The following DNAH11 variants were observed in gnomAD, a reference collection of about 807,000 sequenced individuals.
DNAH11 encodes dynein axonemal heavy chain 11, also known as axonemal beta dynein heavy chain 11.
A neutral mutation model predicts 526.0 loss-of-function variants in DNAH11; 442 were observed. The ratio of observed to expected loss-of-function variants is 0.84; its 90% confidence interval spans 0.78 to 0.91. The LOEUF (loss-of-function observed/expected upper bound fraction) is 0.91. DNAH11 is among the 40% of genes least tolerant of loss of function. DNAH11 has a pLI of 0.00. For missense variants in DNAH11, 6,989 were observed against 5,448.7 expected (o/e 1.28, Z -8.90); for synonymous variants, 2,461 against 1,935.9 (o/e 1.27, Z -7.12).
intron 68 of DNAH11, among the ~76,000 whole-genome samples, chr7:21,857,006 A>T (rs1252348083): frequency 6.6e-6 from 1 of 152,222 alleles, no homozygotes; most frequent in East Asian, 1.9e-4. Flanking sequence ...AGAAGGCAAG[A>T]GATTTAAAAG....
At chr7:21,877,475 C>T (rs565499205) in intron 74 of DNAH11, among the ~76,000 whole-genome samples, 1 of 152,156 alleles carries the variant, frequency 6.6e-6, no homozygotes, top group Non-Finnish European at 1.5e-5. Flanking sequence ...AATACTAGTG[C>T]TTTATTATCC....
intron 44 of DNAH11, among the ~76,000 whole-genome samples, chr7:21,721,742 G>T (rs540791537): frequency 2.6e-5 from 4 of 152,226 alleles, no homozygotes; most frequent in African/African-American, 9.6e-5. Context: ...GTGGGGTAGG[G>T]CTTCAAAATA....
chr7:21,883,345 G>A (rs1784003196), intron 75 of DNAH11, among the ~76,000 whole-genome samples: 2 of 152,202 alleles, frequency 1.3e-5, no homozygotes, highest in Admixed American at 6.5e-5. Context: ...AGAAGCTAAA[G>A]TATAGCAAAG....
intron 54 of DNAH11, 100 bp downstream of exon 54, chr7:21,750,464 T>C (rs182268937): frequency 3.4e-6 from 5 of 1,470,322 alleles, no homozygotes; most frequent in Non-Finnish European, 4.6e-6. Flanking sequence ...ATTTCAGTCA[T>C]GCATTTTGAA....
chr7:21,835,187 AAAG>A (rs1273031111), intron 65 of DNAH11, among the ~76,000 whole-genome samples: 3 of 151,504 alleles, frequency 2.0e-5, no homozygotes, highest in Non-Finnish European at 4.4e-5. Context: ...TCAAACATTT[AAAG>A]AAGAACTAAT....
rs1245221749 is a variant in DNAH11, at chr7:21,565,814, G to T, written c.1194+1417G>T. Reference sequence around the variant, plus strand: ...GCTCAGTAAATGTTAGTTGCCTTCTGTTCTTTTGCCCAAACTATTGACTTA... The same window carrying T: ...GCTCAGTAAATGTTAGTTGCCTTCTTTTCTTTTGCCCAAACTATTGACTTA... On this transcript the variant is annotated intron_variant, in intron 6 of 81. Coordinates refer to ENST00000409508, the MANE Select transcript of DNAH11 (RefSeq NM_001277115.2). Among the ~76,000 whole-genome samples, 3 of 152,184 alleles carry T rather than the reference G, an allele frequency of 2.0e-5. No homozygotes were observed. The East Asian group carries it at 5.8e-4, about 29-fold the overall frequency.
intron 32 of DNAH11, among the ~76,000 whole-genome samples, chr7:21,685,900 G>A (rs1405896712): frequency 6.6e-6 from 1 of 152,184 alleles, no homozygotes; most frequent in Admixed American, 6.5e-5. Context: ...ACCATTGGTT[G>A]GAGTTTGGTC....
rs17150386 is a variant in DNAH11 at position 21,864,739 on chromosome 7, A to G, written c.11496+82A>G. The G allele has an allele frequency of 0.015, 20,237 of 1,355,566 alleles. 2,311 individuals are homozygous for G. In the African/African-American group the frequency reaches 0.25, roughly 17 times the overall value. The allele number at this position is 1,355,566 out of a possible 1,614,324, so 84.0% of individuals were successfully genotyped here. On this transcript the variant is annotated intron_variant, in intron 70 of 81. Coordinates refer to ENST00000409508, the MANE Select transcript of DNAH11 (RefSeq NM_001277115.2). ...TCCAGTGTTGAAATGTAAACATTAA[A>G]GAATACAGGTGATGTATTAAGCACC...
intron 79 of DNAH11, among the ~76,000 whole-genome samples, chr7:21,898,968 G>A (rs781759043): frequency 5.3e-5 from 8 of 152,164 alleles, no homozygotes; most frequent in Non-Finnish European, 8.8e-5. Context: ...CTGGTCCTCA[G>A]ACACCCTGTC....
At chr7:21,674,913 C>G (rs1350034856) in intron 30 of DNAH11, among the ~76,000 whole-genome samples, 1 of 152,156 alleles carries the variant, frequency 6.6e-6, no homozygotes, top group Non-Finnish European at 1.5e-5. Context: ...ACTAGAAGCC[C>G]GCTTGACTCT....
At chr7:21,570,972 G>A (rs570616934) in intron 7 of DNAH11, among the ~76,000 whole-genome samples, 14 of 151,968 alleles carry the variant, frequency 9.2e-5, no homozygotes, top group Admixed American at 5.9e-4. Flanking sequence ...ATTGATAAAG[G>A]TTTGTTTTAT....
At chr7:21,850,367 AAAG>A (rs1000770067) in intron 66 of DNAH11, among the ~76,000 whole-genome samples, 8 of 149,622 alleles carry the variant, frequency 5.3e-5, no homozygotes, top group Non-Finnish European at 1.0e-4. Context: ...AAAAAAAAAA[AAAG>A]AAAAAGAAAA....
In DNAH11 at chr7:21,816,719, G is replaced by A. The variant is rs781482205; in HGVS notation, c.10568+17G>A. ...CCAGAAAGGGTATGTGAAGTTTGAA[G>A]AGACTGGCTTTCTGTTTACCTGCTG... On this transcript the variant is annotated intron_variant, in intron 64 of 81. Transcript: ENST00000409508. 3.7e-6 allele frequency: 6 copies of A among 1,607,050 alleles called. No homozygotes were observed. Among genetic ancestry groups the A allele is most frequent in the Non-Finnish European group, 5.1e-6 (6 of 1,174,982 alleles).
chr7:21,677,772 G>A (rs998567378), intron 30 of DNAH11, among the ~76,000 whole-genome samples: 3 of 152,184 alleles, frequency 2.0e-5, no homozygotes, highest in Non-Finnish European at 4.4e-5. Context: ...ATTATAGCCA[G>A]TGTAATGGGT....
intron 5 of DNAH11, among the ~76,000 whole-genome samples, chr7:21,562,559 A>G (rs1483387916): frequency 6.6e-6 from 1 of 152,132 alleles, no homozygotes; most frequent in Admixed American, 6.6e-5. Flanking sequence ...CTGGAGATTC[A>G]GGAAGAAAAC....
intron 28 of DNAH11, among the ~76,000 whole-genome samples, chr7:21,643,729 G>A (rs1787225615): frequency 6.6e-6 from 1 of 152,166 alleles, no homozygotes; most frequent in Non-Finnish European, 1.5e-5. Flanking sequence ...TACAGATGTA[G>A]CATTTTCAGA....
At chr7:21,813,143 A>C (rs78131245) in intron 63 of DNAH11, among the ~76,000 whole-genome samples, 3,036 of 152,064 alleles carry the variant, frequency 0.02, 105 homozygotes, top group African/African-American at 0.069. Flanking sequence ...TTCAAATTAC[A>C]CTGTTTTCCA....
chr7:21,861,977 T>C lies in DNAH11; in HGVS notation c.11327T>C (p.Leu3776Pro), dbSNP rs751761608. The C allele has an allele frequency of 2.5e-6, 4 of 1,613,586 alleles. No homozygotes were observed. The highest frequency in any genetic ancestry group is 1.3e-5 in the African/African-American group (1 of 74,936). The change falls in exon 69 of 82, where the codon CTG (leucine) becomes CCG (proline). Residue 3776 changes from leucine (L) to proline (P), a missense_variant. Transcript: ENST00000409508. ...GTCTTCCTCTACACCAGCCAGGCGC[T>C]GTTTGAGAAGGACAAGCTCACCTTC... The part of the protein sequence containing the change: ...HAVFLYTSQA[L>P]FEKDKLTFLS...
chr7:21,735,603 CTT>C (rs1328177290), intron 45 of DNAH11, 35 bp from the exon 46 acceptor site: 38 of 1,545,456 alleles, frequency 2.5e-5, no homozygotes, highest in Admixed American at 5.9e-5. Flanking sequence ...CTCTCTCTCT[CTT>C]TCTGATCTTT....
Sources: allele counts gnomAD v4.1 joint callset (sites outside exome capture counted in the v4.1 genomes callset), GRCh38; gene constraint gnomAD v4.1.1; transcripts MANE v1.5; gene names NCBI Gene and HGNC (gene_info 2026-07-23, HGNC 2026-07-21).